The following RBP4 variants were observed in gnomAD, a reference collection of about 807,000 sequenced individuals.
The protein encoded by RBP4 is retinol binding protein 4, also known as retinol-binding protein 4.
RBP4 carries 9 observed loss-of-function variants against 26.2 expected under a neutral mutation model. The ratio of observed to expected loss-of-function variants is 0.34; its 90% CI spans 0.21 to 0.60. The LOEUF (loss-of-function observed/expected upper bound fraction) is 0.60, where lower values mean the gene tolerates loss of function less well. Ranked by LOEUF, RBP4 falls within the 20% of genes least tolerant of loss-of-function variation. RBP4 has a pLI of 0.80. For synonymous variants in RBP4, 114 were observed against 111.0 expected, an observed-to-expected ratio of 1.03 and a Z score of -0.17; for missense variants, 244 against 271.3, an observed-to-expected ratio of 0.90 and a Z score of 0.71.
intron 4 of RBP4, 127 bp downstream of exon 4, chr10:93,600,266 C>T (rs939426794): frequency 8.3e-6 from 7 of 840,972 alleles, no homozygotes; most frequent in African/African-American, 5.0e-5. Context: ...GCTGCGGGTT[C>T]CTGACACTTC....
At chr10:93,592,200 G>A (rs183352805) in intron 5 of RBP4, 88 bp from the exon 6 acceptor site, 8 of 1,144,802 alleles carry the variant, frequency 7.0e-6, no homozygotes. Flanking sequence ...CTTAGAGCTG[G>A]CTTCATTCAA....
In RBP4 at chr10:93,598,002, C is replaced by T. The variant is rs574389273; in HGVS notation, c.355+2391G>A. ...ATCAAGCCATGCCATTTGCGAGATA[C>T]TCAGAAAACAAAGGCATTGTTTGTG... On this transcript the variant is annotated intron_variant, in intron 4 of 5. Coordinates refer to ENST00000371464, the MANE Select transcript of RBP4 (RefSeq NM_006744.4). Among the ~76,000 whole-genome samples the T allele has an allele frequency of 4.6e-5, 7 of 152,332 alleles. No homozygotes were observed. The South Asian group carries it at 1.2e-3, about 27-fold the overall frequency.
upstream of RBP4, chr10:93,601,673 TG>T (rs748191976): frequency 2.6e-6 from 2 of 778,980 alleles, no homozygotes; most frequent in South Asian, 1.3e-5. Context: ...CGCCTCCGTC[TG>T]CCTTCTGAGG....
At position 93,600,913 on chromosome 10, in the gene RBP4, C is replaced by A. The variant is rs774499228; in HGVS notation, c.111+5G>T. ...GCCGCCTGGGCCCCCTGGGCCGATA[C>A]CTACGCGAGCCTTGTCGAAGTTCTC... On this transcript the variant is annotated splice_donor_5th_base_variant and intron_variant, in intron 2 of 5. Transcript: ENST00000371464. The A allele has an allele frequency of 1.7e-5, 28 of 1,612,232 alleles. No homozygotes were observed. Among genetic ancestry groups the A allele is most frequent in the Non-Finnish European group, 2.4e-5 (28 of 1,179,750 alleles).
Position 93,591,931 on chromosome 10 carries a change from A to G in RBP4, c.*144T>C. On this transcript the variant is annotated 3_prime_UTR_variant, in exon 6 of 6. Transcript: ENST00000371464. ...AAGGCAAGCAGATTCACTGACCCCC[A>G]CGTGTATCTTTATGTGTAATGAAGG... The G allele has an allele frequency of 2.8e-6, 2 of 725,318 alleles. No homozygotes were observed. The highest frequency in any genetic ancestry group is 4.9e-6 in the Non-Finnish European group (2 of 410,414). The allele number at this position is 725,318 out of a possible 1,614,324, so 44.9% of individuals were successfully genotyped here. A position where few individuals can be genotyped will look rare whatever the true frequency, so the allele number is the denominator to read the frequency against.
chr10:93,592,149 G>A (rs2058271145), intron 5 of RBP4, 37 bp from the exon 6 acceptor site: 3 of 1,598,832 alleles, frequency 1.9e-6, no homozygotes, highest in Non-Finnish European at 2.6e-6. Flanking sequence ...ACGACAGAAA[G>A]TGGACCCAGT....
chr10:93,597,031 T>C (rs1589685383), intron 4 of RBP4, among the ~76,000 whole-genome samples: 1 of 152,240 alleles, frequency 6.6e-6, no homozygotes, highest in African/African-American at 2.4e-5. Context: ...GATTGAATTA[T>C]CTAGACCAGT....
In RBP4 at chr10:93,596,324, C is replaced by A. The variant is rs187556252; in HGVS notation, c.356-2289G>T. ...ACTGTTCTTGACTTTAAAAGAAGGC[C>A]TAAGTTGGTTTGGTTAATCTCCAGG... On this transcript the variant is annotated intron_variant, in intron 4 of 5. Coordinates refer to ENST00000371464, the MANE Select transcript of RBP4 (RefSeq NM_006744.4). 6.4e-3 allele frequency among the ~76,000 whole-genome samples: 973 copies of A among 151,976 alleles called. 8 individuals are homozygous for A. The highest frequency in any genetic ancestry group is 0.041 in the South Asian group (199 of 4,816).
Position 93,591,856 on chromosome 10 carries a change from T to C in RBP4, c.*219A>G, listed in dbSNP as rs1035371435. ...TAAAATCACAGGACACGGGTGACTA[T>C]AGTTTAATGAATCAGAGTCTGGAAT... is the stretch of plus-strand genomic sequence containing the variant. On this transcript the variant is annotated 3_prime_UTR_variant, in exon 6 of 6. Coordinates refer to ENST00000371464, the MANE Select transcript of RBP4 (RefSeq NM_006744.4). 18 of 581,034 alleles carry C rather than the reference T, an allele frequency of 3.1e-5. No individual in the cohort carries two copies. Among genetic ancestry groups the C allele is most frequent in the African/African-American group, 9.4e-5 (5 of 53,340 alleles). The allele number at this position is 581,034 out of a possible 1,614,324, so 36.0% of individuals were successfully genotyped here.
rs2134577069 is a variant in RBP4, at chr10:93,601,208, G to T, written c.-56C>A. 7.6e-7 allele frequency: 1 copy of T among 1,319,418 alleles called. No individual in the cohort carries two copies. Among genetic ancestry groups the T allele is most frequent in the East Asian group, 3.2e-5 (1 of 31,328 alleles). 81.7% of individuals were successfully genotyped at this position (1,319,418 alleles called of 1,614,324 possible). A position where few individuals can be genotyped will look rare whatever the true frequency, so the allele number is the denominator to read the frequency against. On this transcript the variant is annotated 5_prime_UTR_variant, in exon 1 of 6. Transcript: ENST00000371464. ...AACCGCGCGCAAGCCTGGCCGCCGAGTCCGGGCGCGCGTGGAGCGAGGGAG... is the reference window on the plus strand; with the variant it reads ...AACCGCGCGCAAGCCTGGCCGCCGATTCCGGGCGCGCGTGGAGCGAGGGAG...
rs1214547370 is a variant in RBP4, at chr10:93,592,176, A to T, written c.569-64T>A. The T allele has an allele frequency of 4.2e-5, 59 of 1,391,338 alleles. 1 individual carries two copies. In the Middle Eastern group the frequency reaches 5.3e-4, roughly 12 times the overall value. 86.2% of individuals were successfully genotyped at this position (1,391,338 alleles called of 1,614,324 possible). ...GGACCCAGTTTTTATGTAGATAATG[A>T]ACATCATGATGGCCTTAGAGCTGGC... On this transcript the variant is annotated intron_variant, in intron 5 of 5. Transcript: ENST00000371464.
chr10:93,595,849 G>A (rs577594120), intron 4 of RBP4, among the ~76,000 whole-genome samples: 2 of 152,330 alleles, frequency 1.3e-5, no homozygotes, highest in Non-Finnish European at 2.9e-5. Context: ...CCAGGAGAAT[G>A]AGCCACTCCT....
At chr10:93,601,107 C>T (rs2058335599) in intron 1 of RBP4, 61 bp from the exon 2 acceptor site, 19 of 1,499,542 alleles carry the variant, frequency 1.3e-5, no homozygotes, top group Non-Finnish European at 1.7e-5. Context: ...TATCCCACCT[C>T]ACCCCACCCC....
chr10:93,601,463 A>C, upstream of RBP4: 2 of 967,746 alleles, frequency 2.1e-6, no homozygotes, highest in Non-Finnish European at 2.9e-6. Context: ...GCCAGGCCAA[A>C]TGCGCCAGCG....
intron 5 of RBP4, 111 bp downstream of exon 5, chr10:93,593,712 C>A: frequency 1.6e-6 from 2 of 1,272,180 alleles, no homozygotes; most frequent in Non-Finnish European, 2.3e-6. Context: ...TCCCAAGAAC[C>A]CCTGTTTTCT....
At chr10:93,601,675 C>A (rs750296456), upstream of RBP4, 2 of 778,878 alleles carry the variant, frequency 2.6e-6, no homozygotes. Context: ...CCTCCGTCTG[C>A]CTTCTGAGGT....
chr10:93,601,652 T>G, upstream of RBP4: 1 of 778,230 alleles, frequency 1.3e-6, no homozygotes, highest in Middle Eastern at 2.3e-4. Context: ...GCCCTGGCCA[T>G]GCCAAATTGG....
intron 2 of RBP4, 46 bp downstream of exon 2, chr10:93,600,872 T>TTG: frequency 7.5e-6 from 4 of 533,532 alleles, no homozygotes; most frequent in South Asian, 1.6e-5. Context: ...AGGGCGGGGA[T>TTG]GGGGTGGGGA....
intron 5 of RBP4, among the ~76,000 whole-genome samples, chr10:93,593,371 A>G (rs1246559470): frequency 1.3e-5 from 2 of 152,200 alleles, no homozygotes; most frequent in Non-Finnish European, 2.9e-5. Context: ...AGAAAAAAGA[A>G]GGTGCGTTGA....
Sources: gnomAD v4.1 joint callset for allele counts (sites outside exome capture counted in the v4.1 genomes callset) on GRCh38, gnomAD v4.1.1 for gene constraint, MANE v1.5 for transcripts, NCBI Gene and HGNC (gene_info 2026-07-23, HGNC 2026-07-21) for gene names.